The following EPHB1 variants were observed in gnomAD, a reference collection of about 807,000 sequenced individuals.
The protein encoded by EPHB1 is ephrin type-B receptor 1.
In EPHB1, 30 loss-of-function variants were observed where a neutral mutation model predicts 94.4. That is an observed-to-expected ratio of 0.32 (90% confidence interval 0.24 to 0.43). The LOEUF is 0.43. EPHB1 is among the 20% of genes least tolerant of loss of function. The pLI is 1.00. For synonymous variants in EPHB1, 522 were observed against 489.1 expected (o/e 1.07, Z -0.89); for missense variants, 1,055 against 1,308.3 (o/e 0.81, Z 2.99).
intron 3 of EPHB1, among the ~76,000 whole-genome samples, chr3:134,974,536 C>T (rs1230004510): frequency 6.6e-6 from 1 of 152,110 alleles, no homozygotes; most frequent in Admixed American, 6.5e-5. Context: ...TATTTTCCAC[C>T]TTGCATGCAT....
chr3:135,245,748 G>A (rs190138256), intron 13 of EPHB1, among the ~76,000 whole-genome samples: 1 of 142,206 alleles, frequency 7.0e-6, no homozygotes, highest in East Asian at 2.2e-4. Flanking sequence ...GGAGGTTGCA[G>A]TGATCTGAGA....
intron 3 of EPHB1, among the ~76,000 whole-genome samples, chr3:135,052,909 A>ATATATATATATATG (rs1217744067): frequency 4.4e-5 from 3 of 68,852 alleles, no homozygotes; most frequent in Non-Finnish European, 7.8e-5. Context: ...ATATATATAT[A>ATATATATATATATG]TGTGTGTGTG....
intron 3 of EPHB1, among the ~76,000 whole-genome samples, chr3:135,095,034 G>T (rs959344334): frequency 6.6e-6 from 1 of 152,194 alleles, no homozygotes; most frequent in African/African-American, 2.4e-5. Context: ...GCTGCTGCAG[G>T]AAGAGCCAAA....
chr3:134,998,769 A>G (rs1935078797), intron 3 of EPHB1, among the ~76,000 whole-genome samples: 1 of 152,194 alleles, frequency 6.6e-6, no homozygotes, highest in African/African-American at 2.4e-5. Context: ...ATAATTCACC[A>G]CTACATCAAC....
intron 3 of EPHB1, among the ~76,000 whole-genome samples, chr3:135,059,603 C>T (rs1441253054): frequency 2.0e-5 from 3 of 152,120 alleles, no homozygotes; most frequent in South Asian, 2.1e-4. Flanking sequence ...TGTTGGAGTT[C>T]GTTGACTGTG....
intron 4 of EPHB1, among the ~76,000 whole-genome samples, chr3:135,115,435 C>T (rs565769072): frequency 3.5e-4 from 53 of 152,320 alleles, no homozygotes; most frequent in Admixed American, 1.2e-3. Flanking sequence ...TGTCCTCTGC[C>T]AGCCTCTCAC....
intron 3 of EPHB1, among the ~76,000 whole-genome samples, chr3:134,966,965 C>T (rs1407765668): frequency 6.6e-6 from 1 of 152,232 alleles, no homozygotes; most frequent in Admixed American, 6.5e-5. Flanking sequence ...ATGGGGGCAC[C>T]TGCATGGCAG....
chr3:134,973,083 T>C (rs1358005915), intron 3 of EPHB1, among the ~76,000 whole-genome samples: 1 of 152,210 alleles, frequency 6.6e-6, no homozygotes, highest in East Asian at 1.9e-4. Flanking sequence ...ATTCAGATCA[T>C]AGATAAATCT....
At chr3:135,258,842 G>A (rs1453270729) in intron 15 of EPHB1, among the ~76,000 whole-genome samples, 170 bp from the exon 16 acceptor site, 2 of 152,196 alleles carry the variant, frequency 1.3e-5, no homozygotes, top group Admixed American at 6.5e-5. Context: ...AGGAGAAAGT[G>A]AGCAGGAAAA....
At chr3:135,166,884 C>G in intron 8 of EPHB1, 58 bp from the exon 9 acceptor site, 2 of 1,598,124 alleles carry the variant, frequency 1.3e-6, no homozygotes, top group Non-Finnish European at 8.6e-7. Flanking sequence ...ATGGAGGTAC[C>G]TGGAACAGAC....
intron 3 of EPHB1, among the ~76,000 whole-genome samples, chr3:135,027,136 C>A (rs1235610747): frequency 7.0e-6 from 1 of 142,892 alleles, no homozygotes; most frequent in Non-Finnish European, 1.5e-5. Flanking sequence ...GGGTTTTCTA[C>A]ATATACAATC....
chr3:134,836,403 C>T (rs72984008), intron 1 of EPHB1, among the ~76,000 whole-genome samples: 22,583 of 152,048 alleles, frequency 0.15, 2,177 homozygotes, highest in African/African-American at 0.27. Context: ...TAATTTTGCA[C>T]CTGAAAATAT....
At chr3:134,821,083 C>G (rs2036370638) in intron 1 of EPHB1, among the ~76,000 whole-genome samples, 1 of 152,036 alleles carries the variant, frequency 6.6e-6, no homozygotes, top group East Asian at 1.9e-4. Context: ...AGGCTAAAGA[C>G]CCAGGAAGAG....
intron 4 of EPHB1, among the ~76,000 whole-genome samples, chr3:135,108,962 G>A (rs1008216153): frequency 3.3e-5 from 5 of 152,172 alleles, no homozygotes; most frequent in Non-Finnish European, 7.3e-5. Context: ...AAGGGCTACT[G>A]ACAGTAAGGG....
At chr3:135,036,128 G>A (rs1576335084) in intron 3 of EPHB1, among the ~76,000 whole-genome samples, 1 of 152,216 alleles carries the variant, frequency 6.6e-6, no homozygotes, top group Non-Finnish European at 1.5e-5. Context: ...AGAGAGGTAA[G>A]AAGCCGCTTC....
intron 1 of EPHB1, among the ~76,000 whole-genome samples, chr3:134,917,811 G>A (rs1294308142): frequency 6.6e-6 from 1 of 152,222 alleles, no homozygotes; most frequent in Non-Finnish European, 1.5e-5. Context: ...CACAATAAGA[G>A]CTTCCATTTG....
chr3:134,855,885 C>T (rs759383068), intron 1 of EPHB1, among the ~76,000 whole-genome samples: 1 of 152,136 alleles, frequency 6.6e-6, no homozygotes, highest in Non-Finnish European at 1.5e-5. Context: ...CTGCAAGCAG[C>T]CCTATGGGAT....
At chr3:134,819,645 C>G (rs1382293041) in intron 1 of EPHB1, among the ~76,000 whole-genome samples, 3 of 152,098 alleles carry the variant, frequency 2.0e-5, no homozygotes, top group African/African-American at 4.8e-5. Context: ...TGGGGTTCTG[C>G]TTGGAGCAGC....
At chr3:135,201,408 C>T (rs1942751240) in intron 11 of EPHB1, 66 bp from the exon 12 acceptor site, 5 of 1,534,080 alleles carry the variant, frequency 3.3e-6, no homozygotes, top group Non-Finnish European at 2.7e-6. Flanking sequence ...AGGGCCACAA[C>T]ATCTCTCCCT....
Sources: allele counts gnomAD v4.1 joint callset (sites outside exome capture counted in the v4.1 genomes callset), GRCh38; gene constraint gnomAD v4.1.1; transcripts MANE v1.5; gene names NCBI Gene and HGNC (gene_info 2026-07-23, HGNC 2026-07-21).